ERG: variants seen among roughly 807,000 people sequenced by gnomAD.
ERG encodes the protein ETS transcription factor ERG.
A neutral mutation model predicts 55.3 loss-of-function variants in ERG; 9 were observed. The ratio of observed to expected loss-of-function variants is 0.16; its 90% CI spans 0.10 to 0.28. The LOEUF is 0.28. Among genes scored for constraint, ERG ranks in the 10% least tolerant of loss-of-function variants. ERG has a pLI of 1.00. For synonymous variants in ERG, 223 were observed against 237.3 expected, an observed-to-expected ratio of 0.94 and a Z score of 0.55; for missense variants, 434 against 631.6, an observed-to-expected ratio of 0.69 and a Z score of 3.35.
At chr21:38,576,260 A>G (rs917566451) in intron 1 of ERG, among the ~76,000 whole-genome samples, 2 of 152,214 alleles carry the variant, frequency 1.3e-5, no homozygotes, top group African/African-American at 4.8e-5. Flanking sequence ...AGGGCTCCAC[A>G]CACATTTTCT....
intron 3 of ERG, among the ~76,000 whole-genome samples, chr21:38,407,068 C>G (rs1988807615): frequency 6.6e-6 from 1 of 152,158 alleles, no homozygotes; most frequent in African/African-American, 2.4e-5. Context: ...AATAATACAA[C>G]AATACAACAC....
At chr21:38,590,963 T>A (rs567766760) in intron 1 of ERG, among the ~76,000 whole-genome samples, 1 of 152,196 alleles carries the variant, frequency 6.6e-6, no homozygotes, top group Non-Finnish European at 1.5e-5. Flanking sequence ...TTTTTCTTTA[T>A]TGGAAAGTCC....
intron 9 of ERG, 97 bp downstream of exon 9, chr21:38,390,898 C>T (rs188979553): frequency 1.9e-4 from 176 of 932,132 alleles, no homozygotes; most frequent in Middle Eastern, 4.6e-4. Context: ...AAAATCTGTT[C>T]AGTTGAAGGA....
At chr21:38,494,064 C>T (rs139199910) in intron 1 of ERG, among the ~76,000 whole-genome samples, 3 of 152,262 alleles carry the variant, frequency 2.0e-5, no homozygotes, top group East Asian at 1.9e-4. Flanking sequence ...TTACAGGTGA[C>T]GAAACTGAGA....
chr21:38,652,397 T>G (rs1251975050), intron 1 of ERG, among the ~76,000 whole-genome samples: 1 of 152,196 alleles, frequency 6.6e-6, no homozygotes, highest in Non-Finnish European at 1.5e-5. Context: ...ATACTCTACC[T>G]TGTTCCCAAA....
intron 2 of ERG, among the ~76,000 whole-genome samples, chr21:38,439,107 A>G (rs1447983589): frequency 1.3e-5 from 2 of 152,152 alleles, no homozygotes; most frequent in African/African-American, 2.4e-5. Flanking sequence ...TGGCACATAA[A>G]TTGACTGAGT....
intron 6 of ERG, among the ~76,000 whole-genome samples, chr21:38,398,834 TATA>T (rs1426305627): frequency 5.3e-5 from 8 of 152,340 alleles, no homozygotes; most frequent in Admixed American, 4.6e-4. Context: ...TAACACAGTT[TATA>T]ATACTAGCTC....
intron 2 of ERG, among the ~76,000 whole-genome samples, chr21:38,543,218 C>T (rs527851642): frequency 1.3e-5 from 2 of 152,284 alleles, no homozygotes; most frequent in South Asian, 4.1e-4. Flanking sequence ...TCCTGGTCAT[C>T]TCCAGGTTAA....
the ERG span, among the ~76,000 whole-genome samples, chr21:38,368,282 C>A: frequency 6.6e-6 from 1 of 151,958 alleles, no homozygotes; most frequent in East Asian, 1.9e-4. Flanking sequence ...ATTGCATGAC[C>A]CCTAAATAAT....
Position 38,593,498 on chromosome 21 carries a change from G to A in ERG, c.-149-8553C>T, listed in dbSNP as rs374775290. On this transcript the variant is annotated intron_variant, in intron 1 of 10. Transcript: ENST00000398910. ...ATATCTTTGAGAACACAATCTTGAAGTCTGTTTTAGAGGCAAATTTGACCT... is the reference window on the plus strand; with the variant it reads ...ATATCTTTGAGAACACAATCTTGAAATCTGTTTTAGAGGCAAATTTGACCT... Among the ~76,000 whole-genome samples the A allele has an allele frequency of 1.6e-3, 242 of 152,304 alleles. 1 individual carries two copies. The highest frequency in any genetic ancestry group is 4.5e-3 in the African/African-American group (187 of 41,558).
intron 1 of ERG, among the ~76,000 whole-genome samples, chr21:38,454,575 C>A (rs1372312824): frequency 1.3e-5 from 2 of 152,190 alleles, no homozygotes; most frequent in Admixed American, 6.5e-5. Flanking sequence ...TGCCGAGCAG[C>A]TCTCTCCCAG....
rs2146410971 is a variant in ERG at position 38,383,493 on chromosome 21, G to A, written c.1350C>T (p.Asn450=). 4 of 1,556,680 alleles carry A rather than the reference G, an allele frequency of 2.6e-6. No individual in the cohort carries two copies. Among genetic ancestry groups the A allele is most frequent in the Non-Finnish European group, 3.5e-6 (4 of 1,148,016 alleles). ...VTSSSFFAAP[N]PYWNSPTGGI... is the part of the protein sequence containing the mutation. ...CCCCAGTTGGTGAATTCCAGTATGG[G>A]TTTGGGGCAGCAAAAAAACTGGAAG... The change falls in exon 10 of 10, where the codon AAC becomes AAT. Residue 450 remains asparagine (N), a synonymous_variant. Transcript: ENST00000288319. This position sits in a 1 kb window ranked among gnomAD's most constrained non-coding sequence, Gnocchi z 5.7.
rs149202968 is a variant in ERG at position 38,493,648 on chromosome 21, C to T, written c.18+4715G>A. Among the ~76,000 whole-genome samples the T allele has an allele frequency of 1.7e-3, 266 of 152,340 alleles. 1 individual carries two copies. The highest frequency in any genetic ancestry group is 6.0e-3 in the African/African-American group (249 of 41,578). On this transcript the variant is annotated intron_variant, in intron 1 of 9. Coordinates refer to ENST00000288319, the MANE Select transcript of ERG (RefSeq NM_182918.4). ...ACCAGGAGCACGATGCAGTCATAGG[C>T]CTCTGCCCTCCTCCAGCAGCCTCGG...
At chr21:38,375,093 T>G (rs915518262), downstream of ERG, among the ~76,000 whole-genome samples, 5 of 152,086 alleles carry the variant, frequency 3.3e-5, no homozygotes, top group African/African-American at 1.2e-4. Flanking sequence ...CTACTCCAAT[T>G]AAGAAGAAAA....
At chr21:38,659,236 T>C (rs2060537682) in intron 1 of ERG, among the ~76,000 whole-genome samples, 1 of 152,230 alleles carries the variant, frequency 6.6e-6, no homozygotes, top group Non-Finnish European at 1.5e-5. Context: ...TTCTTGAGAA[T>C]TGTAAAACTT....
At chr21:38,605,908 T>TAGATAGATGAC (rs1462166704) in intron 1 of ERG, among the ~76,000 whole-genome samples, 1 of 151,974 alleles carries the variant, frequency 6.6e-6, no homozygotes, top group East Asian at 1.9e-4. Flanking sequence ...AAATAATAGA[T>TAGATAGATGAC]AGATAGATAG....
chr21:38,410,025 T>G (rs529048077), intron 3 of ERG, among the ~76,000 whole-genome samples: 2 of 152,366 alleles, frequency 1.3e-5, no homozygotes, highest in Non-Finnish European at 2.9e-5. Context: ...TGTTTTATAT[T>G]TTTCTGTGGG....
chr21:38,645,805 T>G (rs1199551370), intron 1 of ERG, among the ~76,000 whole-genome samples: 21 of 152,150 alleles, frequency 1.4e-4, no homozygotes. Flanking sequence ...CAGAAAGCAA[T>G]AAGCAAAAGG....
At chr21:38,427,496 C>T in intron 2 of ERG, among the ~76,000 whole-genome samples, 1 of 152,172 alleles carries the variant, frequency 6.6e-6, no homozygotes, top group Admixed American at 6.5e-5. Flanking sequence ...CTCCACTTTC[C>T]AGAGGTGTGA....
Sources: allele counts gnomAD v4.1 joint callset (sites outside exome capture counted in the v4.1 genomes callset), GRCh38; gene constraint gnomAD v4.1.1; non-coding constraint Gnocchi (gnomAD v3.1); transcripts MANE v1.5; gene names NCBI Gene and HGNC (gene_info 2026-07-23, HGNC 2026-07-21).